Variants in STAG1 observed in about 807,000 individuals in gnomAD.
The protein encoded by STAG1 is STAG1 cohesin complex component.
STAG1 carries 26 observed loss-of-function variants against 170.9 expected under a neutral mutation model. That is an observed-to-expected ratio of 0.15 (90% CI 0.11 to 0.21). The LOEUF (loss-of-function observed/expected upper bound fraction) is 0.21. Among genes scored for constraint, STAG1 ranks in the 10% least tolerant of loss-of-function variants. The pLI, the probability that STAG1 is intolerant of heterozygous loss-of-function variation, is 1.00. For synonymous variants in STAG1, 514 were observed against 497.7 expected (o/e 1.03, Z -0.44); for missense variants, 964 against 1,509.5 (o/e 0.64, Z 5.99).
At chr3:136,339,324 A>G (rs1031561108) in intron 32 of STAG1, among the ~76,000 whole-genome samples, 1 of 152,188 alleles carries the variant, frequency 6.6e-6, no homozygotes, top group Non-Finnish European at 1.5e-5. Context: ...AGAGATCAAG[A>G]CCATCCTGGC....
At chr3:136,693,364 G>A (rs1942785766) in intron 1 of STAG1, among the ~76,000 whole-genome samples, 2 of 152,170 alleles carry the variant, frequency 1.3e-5, no homozygotes, top group South Asian at 2.1e-4. Context: ...CTGCCAATTT[G>A]AAGAAAGTTT....
chr3:136,600,855 GTTGTTTGT>G (rs746817575), intron 4 of STAG1, among the ~76,000 whole-genome samples: 1 of 128,120 alleles, frequency 7.8e-6, no homozygotes, highest in African/African-American at 3.1e-5. Context: ...TTTTCTTGTT[GTTGTTTGT>G]TTGTTTGTTT....
chr3:136,406,040 T>C (rs1028940830), intron 21 of STAG1, among the ~76,000 whole-genome samples: 3 of 152,118 alleles, frequency 2.0e-5, no homozygotes, highest in African/African-American at 7.2e-5. Context: ...TCTGGGGCAT[T>C]TACTTAATAG....
chr3:136,634,182 G>C (rs888441604), intron 1 of STAG1, among the ~76,000 whole-genome samples: 1 of 151,018 alleles, frequency 6.6e-6, no homozygotes, highest in African/African-American at 2.4e-5. Flanking sequence ...ATTTTAAAAA[G>C]GCAAAAACAA....
At chr3:136,732,237 TAAAAAA>T (rs71134406) in intron 1 of STAG1, among the ~76,000 whole-genome samples, 7 of 85,758 alleles carry the variant, frequency 8.2e-5, no homozygotes, top group African/African-American at 2.5e-4. Flanking sequence ...TATCCACAAC[TAAAAAA>T]AAAAAAAAAA....
intron 9 of STAG1, 60 bp from the exon 10 acceptor site, chr3:136,477,472 C>T: frequency 7.0e-7 from 1 of 1,437,972 alleles, no homozygotes; most frequent in Non-Finnish European, 9.3e-7. Context: ...TGCATTCATA[C>T]TCGCTTTCCA....
intron 22 of STAG1, among the ~76,000 whole-genome samples, chr3:136,396,209 GTTTTTTTT>G (rs1157402968): frequency 5.7e-5 from 5 of 87,952 alleles, no homozygotes; most frequent in African/African-American, 8.5e-5. Flanking sequence ...GTGTAACACA[GTTTTTTTT>G]TTTTTTTTTT....
At chr3:136,621,350 T>C (rs754010750) in intron 3 of STAG1, among the ~76,000 whole-genome samples, 14 of 152,198 alleles carry the variant, frequency 9.2e-5, no homozygotes, top group Non-Finnish European at 1.5e-4. Flanking sequence ...ATGTGGGCAA[T>C]TCATTCTCCT....
rs140053832 is a variant in STAG1, at chr3:136,548,124, T to G, written c.395-5929A>C. On this transcript the variant is annotated intron_variant, in intron 5 of 33. Coordinates refer to ENST00000383202, the MANE Select transcript of STAG1 (RefSeq NM_005862.3). Reference sequence around the variant, plus strand: ...GTGCCAAACTGTTTTGTTTTGTTTTTTTTTTTTGAGACAGGGTCTCACTCT... The same window carrying G: ...GTGCCAAACTGTTTTGTTTTGTTTTGTTTTTTTGAGACAGGGTCTCACTCT... Among the ~76,000 whole-genome samples the G allele has an allele frequency of 2.4e-3, 365 of 152,028 alleles. 3 individuals carry two copies. The highest frequency in any genetic ancestry group is 0.02 in the South Asian group (98 of 4,822).
chr3:136,427,658 T>TA (rs75850249), intron 16 of STAG1, among the ~76,000 whole-genome samples: 2,488 of 132,454 alleles, frequency 0.019, 30 homozygotes, highest in African/African-American at 0.035. Flanking sequence ...AGGACCATTG[T>TA]AAAAAAAAAA....
intron 4 of STAG1, among the ~76,000 whole-genome samples, chr3:136,601,083 A>T (rs1009238125): frequency 6.6e-6 from 1 of 150,620 alleles, no homozygotes; most frequent in Non-Finnish European, 1.5e-5. Context: ...CTGGTCTCAA[A>T]CTCCTGACCT....
At position 136,482,003 on chromosome 3, in the gene STAG1, T is replaced by G. The variant is rs564614951; in HGVS notation, c.903-4591A>C. Reference sequence around the variant, plus strand: ...ATTACTCTTGCTAGCGGTCTATCAATTTTGTTGATCCTTTCAAAAAACCAG... The same window carrying G: ...ATTACTCTTGCTAGCGGTCTATCAAGTTTGTTGATCCTTTCAAAAAACCAG... On this transcript the variant is annotated intron_variant, in intron 9 of 33. Transcript: ENST00000383202. 2.9e-3 allele frequency among the ~76,000 whole-genome samples: 150 copies of G among 51,430 alleles called. 48 individuals are homozygous for G. The highest frequency in any genetic ancestry group is 9.0e-3 in the African/African-American group (144 of 15,932). The allele number at this position is 51,430 out of a possible 152,430, so 33.7% of individuals were successfully genotyped here.
At chr3:136,585,426 A>C (rs1295108354) in intron 4 of STAG1, among the ~76,000 whole-genome samples, 1 of 152,062 alleles carries the variant, frequency 6.6e-6, no homozygotes, top group Non-Finnish European at 1.5e-5. Flanking sequence ...TGGGCGACAG[A>C]GTGAGACTCC....
At chr3:136,492,038 T>A (rs944055930) in intron 9 of STAG1, among the ~76,000 whole-genome samples, 6 of 152,092 alleles carry the variant, frequency 3.9e-5, no homozygotes, top group African/African-American at 1.4e-4. Flanking sequence ...TTGTTTGAAG[T>A]GGATGGTGGT....
chr3:136,478,987 T>C (rs886363500), intron 9 of STAG1, among the ~76,000 whole-genome samples: 4 of 151,554 alleles, frequency 2.6e-5, no homozygotes, highest in Admixed American at 6.6e-5. Flanking sequence ...AATCACTTAA[T>C]ACAAATAGAA....
At chr3:136,347,424 T>C (rs1159452388) in intron 29 of STAG1, among the ~76,000 whole-genome samples, 1 of 128,314 alleles carries the variant, frequency 7.8e-6, no homozygotes, top group Admixed American at 7.8e-5. Context: ...AAAAAGGAAA[T>C]GCCTGTAGTC....
intron 6 of STAG1, among the ~76,000 whole-genome samples, chr3:136,525,096 G>A (rs1283980840): frequency 6.6e-6 from 1 of 152,188 alleles, no homozygotes; most frequent in Admixed American, 6.5e-5. Context: ...GTATCAAGAT[G>A]ATGCTGGCCT....
chr3:136,566,647 A>G (rs971683328), intron 5 of STAG1, among the ~76,000 whole-genome samples: 2 of 152,236 alleles, frequency 1.3e-5, no homozygotes, highest in African/African-American at 4.8e-5. Flanking sequence ...AGGCTAAGAA[A>G]AAAAAGACAT....
At chr3:136,546,665 A>AG (rs1164183512) in intron 5 of STAG1, among the ~76,000 whole-genome samples, 1 of 152,218 alleles carries the variant, frequency 6.6e-6, no homozygotes, top group African/African-American at 2.4e-5. Flanking sequence ...AATCTGATAT[A>AG]GGGAGAGCCA....
Sources: allele counts gnomAD v4.1 joint callset (sites outside exome capture counted in the v4.1 genomes callset), GRCh38; gene constraint gnomAD v4.1.1; transcripts MANE v1.5; gene names NCBI Gene and HGNC (gene_info 2026-07-23, HGNC 2026-07-21).